Variants in DOK5 observed in about 807,000 individuals in gnomAD.
DOK5 encodes the protein downstream of tyrosine kinase 5.
A neutral mutation model predicts 43.3 loss-of-function variants in DOK5; 27 were observed. The observed-to-expected ratio is 0.62, with a 90% CI of 0.46 to 0.86. The LOEUF (loss-of-function observed/expected upper bound fraction) is 0.86. DOK5 is among the 40% of genes least tolerant of loss of function. The pLI, the probability that DOK5 is intolerant of heterozygous loss-of-function variation, is 0.00. For missense variants in DOK5, 373 were observed against 392.9 expected, an observed-to-expected ratio of 0.95 and a Z score of 0.43; for synonymous variants, 146 against 140.1, an observed-to-expected ratio of 1.04 and a Z score of -0.30.
At chr20:54,612,895 A>T (rs1177726976) in intron 6 of DOK5, among the ~76,000 whole-genome samples, 1 of 152,172 alleles carries the variant, frequency 6.6e-6, no homozygotes. Context: ...AAAGTTCTTG[A>T]TATCCCTGAG....
intron 1 of DOK5, among the ~76,000 whole-genome samples, chr20:54,516,337 C>T (rs1369609894): frequency 6.6e-6 from 1 of 152,138 alleles, no homozygotes; most frequent in Non-Finnish European, 1.5e-5. Context: ...CTAAAAAAAA[C>T]TGAGCAGTGT....
intron 1 of DOK5, among the ~76,000 whole-genome samples, chr20:54,516,756 GC>G (rs1189108277): frequency 6.6e-6 from 1 of 152,176 alleles, no homozygotes; most frequent in African/African-American, 2.4e-5. Context: ...TAAAAGTCAA[GC>G]TTTTTGCTAG....
chr20:54,517,440 T>C (rs1372393074), intron 1 of DOK5, among the ~76,000 whole-genome samples: 1 of 152,234 alleles, frequency 6.6e-6, no homozygotes, highest in Non-Finnish European at 1.5e-5. Context: ...TTATACAGTC[T>C]TTGAGGTTTC....
intron 1 of DOK5, among the ~76,000 whole-genome samples, chr20:54,536,714 A>G (rs550380224): frequency 9.9e-5 from 15 of 152,222 alleles, no homozygotes; most frequent in Non-Finnish European, 1.3e-4. Flanking sequence ...GAGCTGCTCT[A>G]TACCATTCAA....
intron 6 of DOK5, among the ~76,000 whole-genome samples, chr20:54,622,377 T>C (rs1267193181): frequency 6.6e-6 from 1 of 152,158 alleles, no homozygotes; most frequent in Non-Finnish European, 1.5e-5. Flanking sequence ...GAAGAAAATC[T>C]CATTTTCTCA....
chr20:54,500,189 C>A (rs1982543589), intron 1 of DOK5, among the ~76,000 whole-genome samples: 1 of 152,098 alleles, frequency 6.6e-6, no homozygotes. Flanking sequence ...GAAGAAGATG[C>A]AGCAGGGGTT....
chr20:54,626,718 G>A (rs961998473), intron 6 of DOK5, among the ~76,000 whole-genome samples: 13 of 152,044 alleles, frequency 8.6e-5, no homozygotes, highest in Admixed American at 1.3e-4. Context: ...GATGGGTGTC[G>A]TGATGCAATT....
intron 2 of DOK5, among the ~76,000 whole-genome samples, chr20:54,556,734 T>G (rs142315261): frequency 7.9e-5 from 12 of 152,344 alleles, no homozygotes; most frequent in African/African-American, 2.9e-4. Context: ...AGGTCTTCTC[T>G]TGAGAACCTT....
chr20:54,521,699 T>C (rs191460517), intron 1 of DOK5, among the ~76,000 whole-genome samples: 29 of 152,250 alleles, frequency 1.9e-4, no homozygotes, highest in South Asian at 1.2e-3. Flanking sequence ...AATTGAATCA[T>C]TGGACATTGG....
At chr20:54,535,848 CT>C in intron 1 of DOK5, among the ~76,000 whole-genome samples, 1 of 152,118 alleles carries the variant, frequency 6.6e-6, no homozygotes, top group East Asian at 1.9e-4. Context: ...ATATTCTGGA[CT>C]TTTTAAAAAA....
chr20:54,488,391 A>G (rs1982026264), intron 1 of DOK5, among the ~76,000 whole-genome samples: 1 of 152,176 alleles, frequency 6.6e-6, no homozygotes, highest in East Asian at 1.9e-4. Flanking sequence ...CCTTCCTCAG[A>G]ATGACTTGCC....
At position 54,475,777 on chromosome 20, in the gene DOK5, GA is replaced by G; in HGVS notation, c.-169del. 1.3e-6 allele frequency: 1 copy of G among 782,854 alleles called. No homozygotes were observed. Among genetic ancestry groups the G allele is most frequent in the Non-Finnish European group, 2.0e-6 (1 of 489,704 alleles). The allele number at this position is 782,854 out of a possible 1,614,324, so 48.5% of individuals were successfully genotyped here. Reference sequence around the variant, plus strand: ...GGCCGCCCACTGTCAGGGTTGGGGGGACAGAGAAAGTGATGTGCGCCTTCTA... The same window carrying G: ...GGCCGCCCACTGTCAGGGTTGGGGGGCAGAGAAAGTGATGTGCGCCTTCTA... On this transcript the variant is annotated 5_prime_UTR_variant, in exon 1 of 8. Coordinates refer to ENST00000262593, the MANE Select transcript of DOK5 (RefSeq NM_018431.5). This position sits in a 1 kb window ranked among gnomAD's most constrained non-coding sequence, Gnocchi z 4.2.
At chr20:54,523,084 T>C (rs1983467637) in intron 1 of DOK5, among the ~76,000 whole-genome samples, 1 of 152,154 alleles carries the variant, frequency 6.6e-6, no homozygotes, top group Admixed American at 6.5e-5. Context: ...GAATGATAGC[T>C]ACAAAGAGAA....
chr20:54,620,695 G>A (rs1482012565), intron 6 of DOK5, among the ~76,000 whole-genome samples: 2 of 152,120 alleles, frequency 1.3e-5, no homozygotes, highest in African/African-American at 2.4e-5. Context: ...TTCAACAGTA[G>A]TGCTTCTAGG....
chr20:54,568,529 A>G (rs573117787), intron 2 of DOK5, among the ~76,000 whole-genome samples: 2 of 152,378 alleles, frequency 1.3e-5, no homozygotes, highest in East Asian at 3.9e-4. Context: ...TCTATTGACA[A>G]AAGATGGAAA....
At chr20:54,610,614 A>T in intron 6 of DOK5, 91 bp downstream of exon 6, 2 of 1,267,820 alleles carry the variant, frequency 1.6e-6, no homozygotes, top group Non-Finnish European at 1.0e-6. Context: ...GGTCAGCATT[A>T]TTTGAGCAGA....
chr20:54,576,421 A>C (rs187113052), intron 2 of DOK5, among the ~76,000 whole-genome samples: 1 of 152,346 alleles, frequency 6.6e-6, no homozygotes, highest in East Asian at 1.9e-4. Flanking sequence ...CACACACAAA[A>C]ATATGATATT....
chr20:54,644,410 A>T (rs1216518495), intron 7 of DOK5, among the ~76,000 whole-genome samples: 1 of 145,672 alleles, frequency 6.9e-6, no homozygotes, highest in Non-Finnish European at 1.6e-5. Context: ...TGTCTTTACT[A>T]AAAAAAATAC....
chr20:54,481,109 TATCTATCTATCATGTATCTATC>T (rs1568746502), intron 1 of DOK5, among the ~76,000 whole-genome samples: 49 of 145,786 alleles, frequency 3.4e-4, no homozygotes, highest in African/African-American at 7.4e-4. Context: ...ATCTATCATC[TATCTATCTATCATGTATCTATC>T]ATCTATCTAT....
Sources: gnomAD v4.1 joint callset for allele counts (sites outside exome capture counted in the v4.1 genomes callset) on GRCh38, gnomAD v4.1.1 for gene constraint, Gnocchi (gnomAD v3.1) non-coding constraint, MANE v1.5 for transcripts, NCBI Gene and HGNC (gene_info 2026-07-23, HGNC 2026-07-21) for gene names.